The following CYP2C19 variants were observed in gnomAD, a reference collection of about 807,000 sequenced individuals.
The protein encoded by CYP2C19 is cytochrome P450 family 2 subfamily C member 19.
In CYP2C19, 59 loss-of-function variants were observed where a neutral mutation model predicts 40.9. The observed-to-expected ratio is 1.44, with a 90% CI of 1.17 to 1.79. The LOEUF (loss-of-function observed/expected upper bound fraction) is 1.79, where lower values mean the gene tolerates loss of function less well. Ranked by LOEUF, CYP2C19 falls within the 40% of genes most tolerant of loss-of-function variation. The pLI is 0.00. For missense variants in CYP2C19, 754 were observed against 596.9 expected (o/e 1.26, Z -2.74); for synonymous variants, 253 against 208.7 (o/e 1.21, Z -1.83).
intron 8 of CYP2C19, among the ~76,000 whole-genome samples, chr10:94,851,630 G>C (rs1057074116): frequency 5.9e-5 from 9 of 152,072 alleles, no homozygotes; most frequent in Non-Finnish European, 1.2e-4. Context: ...CCAAGATTGA[G>C]GTGTCAGCAA....
At chr10:94,821,569 G>T (rs916592734) in intron 6 of CYP2C19, among the ~76,000 whole-genome samples, 1 of 152,138 alleles carries the variant, frequency 6.6e-6, no homozygotes, top group Non-Finnish European at 1.5e-5. Flanking sequence ...TGTGAAATTG[G>T]TGTTGGATAA....
In CYP2C19 at chr10:94,820,484, A is replaced by G; in HGVS notation, c.820-12A>G. The G allele has an allele frequency of 6.2e-7, 1 of 1,614,040 alleles. No individual in the cohort carries two copies. On this transcript the variant is annotated splice_polypyrimidine_tract_variant and intron_variant, in intron 5 of 8. Transcript: ENST00000371321. Reference sequence around the variant, plus strand: ...AATAATTTGTCAGATAATTGCATCAAATCATTCCTAGGAAAAGCAAAACCA... The same window carrying G: ...AATAATTTGTCAGATAATTGCATCAGATCATTCCTAGGAAAAGCAAAACCA...
intron 6 of CYP2C19, among the ~76,000 whole-genome samples, chr10:94,834,745 T>A (rs1300088311): frequency 6.6e-6 from 1 of 152,284 alleles, no homozygotes; most frequent in African/African-American, 2.4e-5. Context: ...TTTGCCTAAT[T>A]AGCATTTTAG....
At chr10:94,810,443 T>C (rs1359179942) in intron 5 of CYP2C19, among the ~76,000 whole-genome samples, 1 of 152,106 alleles carries the variant, frequency 6.6e-6, no homozygotes. Flanking sequence ...CTGTTTGGAG[T>C]ACTTTCAGAA....
intron 6 of CYP2C19, among the ~76,000 whole-genome samples, chr10:94,830,219 C>G (rs1012221940): frequency 5.3e-5 from 8 of 152,372 alleles, no homozygotes; most frequent in Non-Finnish European, 1.2e-4. Flanking sequence ...TTTACGTAAT[C>G]AAGCATGGGC....
intron 5 of CYP2C19, among the ~76,000 whole-genome samples, chr10:94,809,540 G>C (rs1848883519): frequency 6.6e-6 from 1 of 151,922 alleles, no homozygotes. Context: ...CTTCCTGTTT[G>C]AATACCTTTT....
intron 1 of CYP2C19, among the ~76,000 whole-genome samples, chr10:94,769,201 G>C (rs1428460641): frequency 1.3e-5 from 2 of 152,112 alleles, no homozygotes; most frequent in African/African-American, 2.4e-5. Context: ...AAGTTCAAGA[G>C]ATCTAGAGTA....
chr10:94,799,814 C>A (rs1016432185), intron 5 of CYP2C19, among the ~76,000 whole-genome samples: 1 of 152,140 alleles, frequency 6.6e-6, no homozygotes, highest in Admixed American at 6.5e-5. Flanking sequence ...GAAGCTTCTG[C>A]ATGCATCATG....
intron 7 of CYP2C19, among the ~76,000 whole-genome samples, chr10:94,848,764 T>C (rs1211703057): frequency 6.6e-6 from 1 of 152,212 alleles, no homozygotes; most frequent in African/African-American, 2.4e-5. Flanking sequence ...GAGCAGTGGT[T>C]TGTAGTTCTC....
Position 94,802,306 on chromosome 10 carries a change from C to G in CYP2C19, c.820-18190C>G, listed in dbSNP as rs562112827. 1.1e-4 allele frequency among the ~76,000 whole-genome samples: 16 copies of G among 152,298 alleles called. No homozygotes were observed. The South Asian group carries it at 3.1e-3, about 30-fold the overall frequency. ...GTCCCCACCCAACCCAGAAGTCCAG[C>G]TGGCTTCACCTCTCACCTTTACCAT... On this transcript the variant is annotated intron_variant, in intron 5 of 8. Transcript: ENST00000371321.
chr10:94,809,804 C>G lies in CYP2C19; in HGVS notation c.820-10692C>G, dbSNP rs1024056863. Reference sequence around the variant, plus strand: ...AGTTGAATTTTGTCAAAGGCCTTTTCTGCATCTATTCAGATAGTCATGTGG... The same window carrying G: ...AGTTGAATTTTGTCAAAGGCCTTTTGTGCATCTATTCAGATAGTCATGTGG... On this transcript the variant is annotated intron_variant, in intron 5 of 8. Coordinates refer to ENST00000371321, the MANE Select transcript of CYP2C19 (RefSeq NM_000769.4). 2.6e-5 allele frequency among the ~76,000 whole-genome samples: 4 copies of G among 152,204 alleles called. No individual in the cohort carries two copies. The South Asian group carries it at 8.3e-4, about 32-fold the overall frequency.
intron 5 of CYP2C19, among the ~76,000 whole-genome samples, chr10:94,785,460 G>C (rs1207103165): frequency 1.3e-5 from 2 of 152,086 alleles, no homozygotes; most frequent in Non-Finnish European, 2.9e-5. Context: ...CTTGATGAAA[G>C]TAAATTGGCC....
At chr10:94,832,291 A>G (rs766169986) in intron 6 of CYP2C19, among the ~76,000 whole-genome samples, 2 of 152,216 alleles carry the variant, frequency 1.3e-5, no homozygotes, top group African/African-American at 2.4e-5. Flanking sequence ...ATGGCTGGGG[A>G]TGCCTCAAAA....
chr10:94,815,726 G>C (rs891538219), intron 5 of CYP2C19, among the ~76,000 whole-genome samples: 1 of 152,070 alleles, frequency 6.6e-6, no homozygotes, highest in Non-Finnish European at 1.5e-5. Context: ...CTCCCATATA[G>C]ATTACAATAC....
At chr10:94,785,959 CT>C (rs1159369804) in intron 5 of CYP2C19, among the ~76,000 whole-genome samples, 1 of 152,092 alleles carries the variant, frequency 6.6e-6, no homozygotes, top group African/African-American at 2.4e-5. Context: ...AATGCCACAC[CT>C]GATTGAGCCA....
intron 5 of CYP2C19, among the ~76,000 whole-genome samples, chr10:94,790,511 A>G (rs554528426): frequency 2.0e-5 from 3 of 152,224 alleles, no homozygotes; most frequent in South Asian, 2.1e-4. Flanking sequence ...TTATTTTGAA[A>G]TATGTTCTAT....
At chr10:94,807,294 T>A (rs1342223111) in intron 5 of CYP2C19, among the ~76,000 whole-genome samples, 1 of 152,160 alleles carries the variant, frequency 6.6e-6, no homozygotes, top group Admixed American at 6.5e-5. Flanking sequence ...CATTCATTTG[T>A]TGATGGACAC....
chr10:94,797,897 C>A (rs1408736153), intron 5 of CYP2C19, among the ~76,000 whole-genome samples: 5 of 151,970 alleles, frequency 3.3e-5, no homozygotes, highest in Non-Finnish European at 7.4e-5. Flanking sequence ...CTTTATTAGT[C>A]TTCCTAGTGG....
intron 3 of CYP2C19, chr10:94,776,071 G>A (rs1171704675): frequency 6.3e-6 from 1 of 159,382 alleles, no homozygotes; most frequent in Non-Finnish European, 1.4e-5. Flanking sequence ...ACATTCTACA[G>A]TTTTTATTGC....
Sources: allele counts gnomAD v4.1 joint callset (sites outside exome capture counted in the v4.1 genomes callset), GRCh38; gene constraint gnomAD v4.1.1; transcripts MANE v1.5; gene names NCBI Gene and HGNC (gene_info 2026-07-23, HGNC 2026-07-21).